Variants in AGBL4 observed in about 807,000 individuals in gnomAD.
AGBL4 encodes AGBL carboxypeptidase 4, also known as cytosolic carboxypeptidase 6.
Under a neutral mutation model 66.4 loss-of-function variants are expected in AGBL4, and 58 were observed. The observed-to-expected ratio is 0.87, with a 90% confidence interval of 0.71 to 1.09. The LOEUF (loss-of-function observed/expected upper bound fraction) is 1.09, where lower values mean the gene tolerates loss of function less well. Ranked by LOEUF, AGBL4 falls within the 50% of genes least tolerant of loss-of-function variation. AGBL4 has a pLI of 0.00. For missense variants in AGBL4, 579 were observed against 631.0 expected (o/e 0.92, Z 0.88); for synonymous variants, 234 against 222.9 (o/e 1.05, Z -0.44).
chr1:49,631,330 C>G (rs889493292), intron 3 of AGBL4, among the ~76,000 whole-genome samples: 13 of 152,148 alleles, frequency 8.5e-5, no homozygotes, highest in Admixed American at 6.5e-4. Flanking sequence ...TGTAAACTAC[C>G]AAAGTGTCTC....
intron 3 of AGBL4, among the ~76,000 whole-genome samples, chr1:49,437,917 C>G (rs1229446108): frequency 6.6e-6 from 1 of 152,124 alleles, no homozygotes; most frequent in African/African-American, 2.4e-5. Context: ...TATTTACTTA[C>G]TGTTTCCCAT....
At chr1:49,437,786 AT>A (rs1343407334) in intron 3 of AGBL4, among the ~76,000 whole-genome samples, 2 of 147,756 alleles carry the variant, frequency 1.4e-5, no homozygotes, top group African/African-American at 5.4e-5. Context: ...TGGACCACTT[AT>A]AAAATGTCAC....
At chr1:49,269,129 G>A (rs1335218451) in intron 3 of AGBL4, 1 of 152,160 alleles carries the variant, frequency 6.6e-6, no homozygotes, top group African/African-American at 2.4e-5. Flanking sequence ...AAAGCCCAAT[G>A]ATTCCAACTG....
At chr1:48,749,558 C>A (rs1462351333) in intron 6 of AGBL4, among the ~76,000 whole-genome samples, 3 of 152,198 alleles carry the variant, frequency 2.0e-5, no homozygotes, top group Admixed American at 6.5e-5. Flanking sequence ...TACCCCTCCT[C>A]AATGAACTGT....
chr1:49,735,287 AGGTGTGTG>A (rs199714507), intron 2 of AGBL4, among the ~76,000 whole-genome samples: 3,122 of 131,682 alleles, frequency 0.024, 83 homozygotes, highest in African/African-American at 0.081. Flanking sequence ...AAAGAGGTAG[AGGTGTGTG>A]GGTGTGTGTG....
intron 2 of AGBL4, among the ~76,000 whole-genome samples, chr1:49,741,464 T>C (rs1650462446): frequency 6.6e-6 from 1 of 152,124 alleles, no homozygotes; most frequent in Admixed American, 6.5e-5. Context: ...CTGAATTCTA[T>C]CAGAGGTACA....
At chr1:49,826,129 T>C (rs898868699) in intron 2 of AGBL4, among the ~76,000 whole-genome samples, 1 of 152,132 alleles carries the variant, frequency 6.6e-6, no homozygotes, top group Non-Finnish European at 1.5e-5. Flanking sequence ...TAAAAAGTTG[T>C]TTTTTTCCTG....
chr1:49,502,753 ACCC>A, intron 3 of AGBL4, among the ~76,000 whole-genome samples: 1 of 152,032 alleles, frequency 6.6e-6, no homozygotes, highest in Admixed American at 6.6e-5. Flanking sequence ...ATGGTATTTT[ACCC>A]CTGCCCTAGA....
chr1:49,979,801 A>T (rs1186741423), intron 1 of AGBL4, among the ~76,000 whole-genome samples: 1 of 152,208 alleles, frequency 6.6e-6, no homozygotes, highest in African/African-American at 2.4e-5. Context: ...GTGGAATGCC[A>T]CTAGTGATGC....
intron 6 of AGBL4, among the ~76,000 whole-genome samples, chr1:48,668,066 T>G (rs1646217596): frequency 6.6e-6 from 1 of 152,086 alleles, no homozygotes; most frequent in South Asian, 2.1e-4. Context: ...TTCCTTGACT[T>G]GATTGGTGAA....
At chr1:49,380,054 T>A (rs1235564919) in intron 3 of AGBL4, among the ~76,000 whole-genome samples, 1 of 152,102 alleles carries the variant, frequency 6.6e-6, no homozygotes, top group Non-Finnish European at 1.5e-5. Flanking sequence ...AAAGAGGAAG[T>A]CAAGTTGTCC....
chr1:49,232,668 C>A (rs991020711), intron 4 of AGBL4, among the ~76,000 whole-genome samples: 1 of 151,034 alleles, frequency 6.6e-6, no homozygotes, highest in African/African-American at 2.4e-5. Context: ...CACTGCACTC[C>A]AGCCTGGGTG....
At chr1:49,092,090 G>A (rs1645013340) in intron 4 of AGBL4, among the ~76,000 whole-genome samples, 1 of 151,996 alleles carries the variant, frequency 6.6e-6, no homozygotes, top group Non-Finnish European at 1.5e-5. Flanking sequence ...ACTGGTACCT[G>A]GGTAATGAAA....
intron 2 of AGBL4, among the ~76,000 whole-genome samples, chr1:49,740,616 C>T (rs1007092756): frequency 6.6e-6 from 1 of 152,092 alleles, no homozygotes; most frequent in African/African-American, 2.4e-5. Flanking sequence ...AGCACCACAC[C>T]ACACCTATTC....
intron 4 of AGBL4, among the ~76,000 whole-genome samples, chr1:49,093,889 T>C (rs1444652742): frequency 2.0e-5 from 3 of 152,168 alleles, no homozygotes; most frequent in Non-Finnish European, 4.4e-5. Flanking sequence ...AGCTTACCAC[T>C]TCATAAGGTA....
At chr1:49,017,802 G>C (rs1350552315) in intron 5 of AGBL4, among the ~76,000 whole-genome samples, 1 of 152,158 alleles carries the variant, frequency 6.6e-6, no homozygotes, top group South Asian at 2.1e-4. Context: ...CCAGAGAGGG[G>C]GCAGGAGCAG....
At chr1:48,842,574 A>AG (rs1472515478) in intron 6 of AGBL4, among the ~76,000 whole-genome samples, 1 of 152,184 alleles carries the variant, frequency 6.6e-6, no homozygotes, top group Non-Finnish European at 1.5e-5. Flanking sequence ...TCCCTTTCAC[A>AG]GGGAAGAAAA....
intron 2 of AGBL4, among the ~76,000 whole-genome samples, chr1:49,798,806 A>AT (rs1644791132): frequency 6.6e-6 from 1 of 152,156 alleles, no homozygotes; most frequent in Non-Finnish European, 1.5e-5. Flanking sequence ...CTCTGGAAGT[A>AT]TTTTATTTTA....
chr1:49,505,287 A>G (rs1383851388), intron 3 of AGBL4, among the ~76,000 whole-genome samples: 1 of 152,000 alleles, frequency 6.6e-6, no homozygotes, highest in Non-Finnish European at 1.5e-5. Context: ...GTATTTTAGT[A>G]TTCTGAATTT....
Sources: gnomAD v4.1 joint callset for allele counts (sites outside exome capture counted in the v4.1 genomes callset) on GRCh38, gnomAD v4.1.1 for gene constraint, MANE v1.5 for transcripts, NCBI Gene and HGNC (gene_info 2026-07-23, HGNC 2026-07-21) for gene names.